The following CSMD1 variants were observed in gnomAD, a reference collection of about 807,000 sequenced individuals.
The protein encoded by CSMD1 is CUB and Sushi multiple domains 1.
In CSMD1, 213 loss-of-function variants were observed where a neutral mutation model predicts 417.5. That is an observed-to-expected ratio of 0.51 (90% CI 0.46 to 0.57). CSMD1 has a LOEUF of 0.57. CSMD1 is among the 20% of genes least tolerant of loss of function. The pLI, the probability that CSMD1 is intolerant of heterozygous loss-of-function variation, is 0.00. For missense variants in CSMD1, 6,923 were observed against 4,529.7 expected (o/e 1.53, Z -15.17); for synonymous variants, 2,862 against 1,736.8 (o/e 1.65, Z -16.11).
intron 12 of CSMD1, among the ~76,000 whole-genome samples, chr8:3,464,475 A>C (rs1287438270): frequency 6.6e-6 from 1 of 151,944 alleles, no homozygotes; most frequent in East Asian, 1.9e-4. Flanking sequence ...ATTTTCAAAT[A>C]TAAAATGGAG....
chr8:4,016,198 T>TA (rs770848489), intron 4 of CSMD1, among the ~76,000 whole-genome samples: 4 of 152,188 alleles, frequency 2.6e-5, no homozygotes, highest in Admixed American at 6.5e-5. Flanking sequence ...CAGAGAGGTT[T>TA]AGTCTAAGTA....
chr8:3,412,016 A>ACGTATG, intron 12 of CSMD1, among the ~76,000 whole-genome samples: 1 of 9,182 alleles, frequency 1.1e-4, no homozygotes, highest in African/African-American at 3.9e-4. Flanking sequence ...ATATATATAC[A>ACGTATG]TATACACACG....
At chr8:4,701,477 C>G (rs1248166824) in intron 1 of CSMD1, among the ~76,000 whole-genome samples, 3 of 152,036 alleles carry the variant, frequency 2.0e-5, no homozygotes, top group Non-Finnish European at 4.4e-5. Flanking sequence ...CTCCTCCTCC[C>G]CGACCCCAGC....
At chr8:3,935,013 G>C (rs1810386512) in intron 5 of CSMD1, among the ~76,000 whole-genome samples, 1 of 152,116 alleles carries the variant, frequency 6.6e-6, no homozygotes, top group Admixed American at 6.6e-5. Context: ...CAAGTGCATG[G>C]AGTATCTGAA....
At chr8:4,205,875 C>G (rs1044543961) in intron 3 of CSMD1, among the ~76,000 whole-genome samples, 2 of 152,164 alleles carry the variant, frequency 1.3e-5, no homozygotes, top group Non-Finnish European at 2.9e-5. Context: ...AAATGAACTT[C>G]CTATTATGCA....
chr8:3,953,071 C>T (rs954933394), intron 5 of CSMD1, among the ~76,000 whole-genome samples: 6 of 151,660 alleles, frequency 4.0e-5, no homozygotes, highest in Non-Finnish European at 7.4e-5. Context: ...AGAAAAGAAA[C>T]AGTATTTGTA....
chr8:3,815,329 T>A (rs1801311534), intron 5 of CSMD1, among the ~76,000 whole-genome samples: 1 of 152,140 alleles, frequency 6.6e-6, no homozygotes, highest in African/African-American at 2.4e-5. Flanking sequence ...TCTGAACAAA[T>A]CATGCATTTT....
chr8:4,783,452 C>T (rs573444278), intron 1 of CSMD1, among the ~76,000 whole-genome samples: 1 of 152,282 alleles, frequency 6.6e-6, no homozygotes, highest in East Asian at 1.9e-4. Context: ...TAATCTGCTG[C>T]CCTGGTCAGA....
rs77200258 is a variant in CSMD1, at chr8:4,252,684, G to A, written c.415+167269C>T. On this transcript the variant is annotated intron_variant, in intron 3 of 69. Coordinates refer to ENST00000635120, the MANE Select transcript of CSMD1 (RefSeq NM_033225.6). ...ACAGGCTTTTATGTGGAGTTAACCAGTGAAATGCTAACAATATCTCATTGG... is the reference window on the plus strand; with the variant it reads ...ACAGGCTTTTATGTGGAGTTAACCAATGAAATGCTAACAATATCTCATTGG... Among the ~76,000 whole-genome samples, 134 of 152,330 alleles carry A rather than the reference G, an allele frequency of 8.8e-4. 2 individuals are homozygous for A. In the East Asian group the frequency reaches 0.023, roughly 26 times the overall value.
chr8:3,523,821 A>G (rs930914566), intron 10 of CSMD1, among the ~76,000 whole-genome samples: 5 of 148,854 alleles, frequency 3.4e-5, no homozygotes, highest in African/African-American at 1.3e-4. Flanking sequence ...ACACACGCAC[A>G]TATGCATGCA....
At chr8:4,309,467 A>C (rs1011717948) in intron 3 of CSMD1, among the ~76,000 whole-genome samples, 1 of 142,384 alleles carries the variant, frequency 7.0e-6, no homozygotes, top group African/African-American at 3.1e-5. Flanking sequence ...GACGAGAAAA[A>C]ATAAATATTA....
At chr8:3,721,566 C>G (rs559148766) in intron 6 of CSMD1, among the ~76,000 whole-genome samples, 1 of 152,254 alleles carries the variant, frequency 6.6e-6, no homozygotes, top group African/African-American at 2.4e-5. Flanking sequence ...TTATTAAATT[C>G]CAGTGGTATT....
chr8:4,086,709 G>T (rs1361021460), intron 3 of CSMD1, among the ~76,000 whole-genome samples: 2 of 152,162 alleles, frequency 1.3e-5, no homozygotes, highest in Non-Finnish European at 2.9e-5. Context: ...CAGGTACCCA[G>T]GTAGATAGAT....
At chr8:3,976,992 A>G (rs755141925) in intron 5 of CSMD1, among the ~76,000 whole-genome samples, 4 of 152,296 alleles carry the variant, frequency 2.6e-5, no homozygotes, top group East Asian at 3.9e-4. Flanking sequence ...ATTAGTGTGC[A>G]GTGGGTGGGG....
At position 4,874,552 on chromosome 8, in the gene CSMD1, G is replaced by A. The variant is rs556742809; in HGVS notation, c.85+119780C>T. Reference sequence around the variant, plus strand: ...TTACGGGTGCCTGCCACCTCTCCCGGCTAATTTTTGTATTTTTTAGTAAAG... The same window carrying A: ...TTACGGGTGCCTGCCACCTCTCCCGACTAATTTTTGTATTTTTTAGTAAAG... On this transcript the variant is annotated intron_variant, in intron 1 of 69. Coordinates refer to ENST00000635120, the MANE Select transcript of CSMD1 (RefSeq NM_033225.6). Among the ~76,000 whole-genome samples, 24 of 151,582 alleles carry A rather than the reference G, an allele frequency of 1.6e-4. 1 individual carries two copies. Among genetic ancestry groups the A allele is most frequent in the African/African-American group, 5.6e-4 (23 of 41,188 alleles).
intron 3 of CSMD1, among the ~76,000 whole-genome samples, chr8:4,166,434 T>A (rs775050348): frequency 6.6e-6 from 1 of 152,144 alleles, no homozygotes; most frequent in African/African-American, 2.4e-5. Context: ...AGCCATAACA[T>A]AGAATGAAAT....
intron 3 of CSMD1, among the ~76,000 whole-genome samples, chr8:4,180,057 A>T (rs1182698334): frequency 6.6e-6 from 1 of 152,116 alleles, no homozygotes; most frequent in Non-Finnish European, 1.5e-5. Flanking sequence ...ATACCATTTG[A>T]CCCAGCCATC....
intron 1 of CSMD1, chr8:4,787,728 G>T: frequency 1.3e-6 from 2 of 1,589,756 alleles, no homozygotes; most frequent in South Asian, 2.2e-5. Context: ...ATGACCCACA[G>T]TGGTCTGAGG....
chr8:4,312,420 T>TAC (rs1798672381), intron 3 of CSMD1, among the ~76,000 whole-genome samples: 6 of 124,788 alleles, frequency 4.8e-5, no homozygotes, highest in African/African-American at 2.4e-4. Context: ...TGTATATATA[T>TAC]GCGCGTATAT....
Sources: gnomAD v4.1 joint callset for allele counts (sites outside exome capture counted in the v4.1 genomes callset) on GRCh38, gnomAD v4.1.1 for gene constraint, MANE v1.5 for transcripts, NCBI Gene and HGNC (gene_info 2026-07-23, HGNC 2026-07-21) for gene names.